The following NR3C2 variants were observed in gnomAD, a reference collection of about 807,000 sequenced individuals.
NR3C2 encodes the protein nuclear receptor subfamily 3 group C member 2, also known as mineralocorticoid receptor.
NR3C2 carries 15 observed loss-of-function variants against 86.4 expected under a neutral mutation model. The observed-to-expected ratio is 0.17, with a 90% CI of 0.12 to 0.27. The LOEUF is 0.27. Among genes scored for constraint, NR3C2 ranks in the 10% least tolerant of loss-of-function variants. NR3C2 has a pLI of 1.00. For missense variants in NR3C2, 960 were observed against 1,195.6 expected, an observed-to-expected ratio of 0.80 and a Z score of 2.91; for synonymous variants, 458 against 450.5, an observed-to-expected ratio of 1.02 and a Z score of -0.21.
At chr4:148,401,733 AT>A (rs1748179301) in intron 2 of NR3C2, among the ~76,000 whole-genome samples, 1 of 152,060 alleles carries the variant, frequency 6.6e-6, no homozygotes, top group South Asian at 2.1e-4. Context: ...AAGTGCTGGG[AT>A]TACAGGTGTG....
intron 3 of NR3C2, among the ~76,000 whole-genome samples, chr4:148,231,777 T>C (rs1738475047): frequency 6.6e-6 from 1 of 152,230 alleles, no homozygotes; most frequent in South Asian, 2.1e-4. Context: ...GGCAATCCTC[T>C]CAATCTCTAC....
At chr4:148,279,740 T>C (rs1377015242) in intron 2 of NR3C2, among the ~76,000 whole-genome samples, 2 of 152,202 alleles carry the variant, frequency 1.3e-5, no homozygotes, top group East Asian at 3.8e-4. Context: ...TTTATTTATT[T>C]TTTTGAGACA....
intron 2 of NR3C2, among the ~76,000 whole-genome samples, chr4:148,301,110 T>C (rs958276361): frequency 1.3e-5 from 2 of 152,070 alleles, no homozygotes; most frequent in African/African-American, 4.8e-5. Flanking sequence ...CTTAAAGGGC[T>C]CCACCCAGAG....
At chr4:148,160,308 T>C (rs541146729) in intron 4 of NR3C2, among the ~76,000 whole-genome samples, 19 of 152,298 alleles carry the variant, frequency 1.2e-4, no homozygotes, top group South Asian at 1.2e-3. Flanking sequence ...TGGGACTCTA[T>C]TAAAACTGTG....
At chr4:148,350,280 T>C (rs1295550443) in intron 2 of NR3C2, among the ~76,000 whole-genome samples, 5 of 152,186 alleles carry the variant, frequency 3.3e-5, no homozygotes, top group Non-Finnish European at 7.4e-5. Context: ...TGAAGTCATC[T>C]GTGTACTGAC....
intron 2 of NR3C2, among the ~76,000 whole-genome samples, chr4:148,303,596 G>T (rs1353206783): frequency 2.0e-5 from 3 of 151,918 alleles, no homozygotes; most frequent in Non-Finnish European, 4.4e-5. Flanking sequence ...TTATGATAAG[G>T]AGTCCATACA....
intron 2 of NR3C2, among the ~76,000 whole-genome samples, chr4:148,315,531 G>T (rs1743128466): frequency 6.6e-6 from 1 of 152,146 alleles, no homozygotes; most frequent in African/African-American, 2.4e-5. Context: ...TGTAGCCTAT[G>T]AGAATGTTTT....
At chr4:148,318,217 A>T (rs532889928) in intron 2 of NR3C2, among the ~76,000 whole-genome samples, 4 of 150,814 alleles carry the variant, frequency 2.7e-5, no homozygotes. Flanking sequence ...ATCATTTTTT[A>T]TGGCTGCATA....
At chr4:148,094,520 C>T (rs1470693508) in intron 8 of NR3C2, among the ~76,000 whole-genome samples, 1 of 152,098 alleles carries the variant, frequency 6.6e-6, no homozygotes, top group African/African-American at 2.4e-5. Context: ...TTGAGACCAG[C>T]CTGGCCAACA....
At chr4:148,142,755 C>T (rs1171520827) in intron 6 of NR3C2, among the ~76,000 whole-genome samples, 1 of 152,220 alleles carries the variant, frequency 6.6e-6, no homozygotes, top group Non-Finnish European at 1.5e-5. Flanking sequence ...CCTGCATGGC[C>T]TCCCGAAGTG....
At chr4:148,287,843 G>A (rs1741602256) in intron 2 of NR3C2, among the ~76,000 whole-genome samples, 1 of 152,080 alleles carries the variant, frequency 6.6e-6, no homozygotes, top group Admixed American at 6.6e-5. Context: ...GCATCATTCA[G>A]AAGTTCTTAA....
intron 4 of NR3C2, among the ~76,000 whole-genome samples, chr4:148,157,476 C>T (rs1272308234): frequency 6.6e-6 from 1 of 151,934 alleles, no homozygotes; most frequent in Non-Finnish European, 1.5e-5. Context: ...AATATAAGAT[C>T]ACACATCTTG....
intron 8 of NR3C2, among the ~76,000 whole-genome samples, chr4:148,109,404 T>G (rs1413369833): frequency 6.6e-6 from 1 of 152,212 alleles, no homozygotes; most frequent in Non-Finnish European, 1.5e-5. Context: ...ATGAATATCG[T>G]CCTCTATCGA....
chr4:148,360,686 C>G (rs572150450), intron 2 of NR3C2, among the ~76,000 whole-genome samples: 2 of 152,240 alleles, frequency 1.3e-5, no homozygotes, highest in South Asian at 4.1e-4. Flanking sequence ...TATTTTGATT[C>G]TGACTGAAAT....
At chr4:148,250,287 C>A (rs925417376) in intron 3 of NR3C2, among the ~76,000 whole-genome samples, 1 of 152,072 alleles carries the variant, frequency 6.6e-6, no homozygotes, top group Non-Finnish European at 1.5e-5. Flanking sequence ...AAACCAGGGG[C>A]CTTGAAAGAC....
intron 2 of NR3C2, among the ~76,000 whole-genome samples, chr4:148,367,272 A>G (rs913127370): frequency 2.0e-5 from 3 of 152,306 alleles, no homozygotes; most frequent in African/African-American, 7.2e-5. Flanking sequence ...AACGAATGCA[A>G]TTGCTTGAGC....
chr4:148,232,861 G>T (rs1020809513), intron 3 of NR3C2, among the ~76,000 whole-genome samples: 2 of 152,184 alleles, frequency 1.3e-5, no homozygotes, highest in African/African-American at 4.8e-5. Context: ...CTTGCACTTG[G>T]AGACAGATTC....
At chr4:148,148,983 A>G (rs1733989643) in intron 6 of NR3C2, among the ~76,000 whole-genome samples, 1 of 152,202 alleles carries the variant, frequency 6.6e-6, no homozygotes, top group African/African-American at 2.4e-5. Context: ...TTTCCCTAAA[A>G]AATACAGGGT....
intron 2 of NR3C2, among the ~76,000 whole-genome samples, chr4:148,322,410 A>G (rs2149955315): frequency 8.5e-6 from 1 of 117,454 alleles, no homozygotes; most frequent in South Asian, 3.0e-4. Context: ...TATTTCCTGA[A>G]TCTGAACGTT....
Sources: allele counts gnomAD v4.1 joint callset (sites outside exome capture counted in the v4.1 genomes callset), GRCh38; gene constraint gnomAD v4.1.1; transcripts MANE v1.5; gene names NCBI Gene and HGNC (gene_info 2026-07-23, HGNC 2026-07-21).